The following CTNNA3 variants were observed in gnomAD, a reference collection of about 807,000 sequenced individuals.
CTNNA3 encodes catenin alpha-3.
A neutral mutation model predicts 95.7 loss-of-function variants in CTNNA3; 76 were observed. The ratio of observed to expected loss-of-function variants is 0.79; its 90% CI spans 0.66 to 0.96. CTNNA3 has a LOEUF of 0.96. Among genes scored for constraint, CTNNA3 ranks in the 40% least tolerant of loss-of-function variants. CTNNA3 has a pLI of 0.00. For synonymous variants in CTNNA3, 431 were observed against 374.4 expected, an observed-to-expected ratio of 1.15 and a Z score of -1.74; for missense variants, 1,191 against 1,089.8, an observed-to-expected ratio of 1.09 and a Z score of -1.31.
intron 9 of CTNNA3, among the ~76,000 whole-genome samples, chr10:66,731,493 T>C (rs1848958376): frequency 6.6e-6 from 1 of 152,146 alleles, no homozygotes; most frequent in Non-Finnish European, 1.5e-5. Context: ...AGCATAACTC[T>C]GGCACGTAAG....
intron 9 of CTNNA3, among the ~76,000 whole-genome samples, chr10:66,653,896 T>C (rs879723527): frequency 6.6e-6 from 1 of 152,040 alleles, no homozygotes; most frequent in Admixed American, 6.6e-5. Flanking sequence ...AAAATGGATA[T>C]CTACATGCAG....
At chr10:66,573,601 T>G (rs1842929559) in intron 10 of CTNNA3, among the ~76,000 whole-genome samples, 1 of 152,204 alleles carries the variant, frequency 6.6e-6, no homozygotes, top group Non-Finnish European at 1.5e-5. Flanking sequence ...AATTGCCTAT[T>G]CATTTTTGCC....
At position 67,003,458 on chromosome 10, in the gene CTNNA3, G is replaced by A. The variant is rs183566599; in HGVS notation, c.1047+176859C>T. On this transcript the variant is annotated intron_variant, in intron 7 of 17. Transcript: ENST00000433211. ...ATATTGCTCAAAAAAATCAGAGTGC[G>A]GAGAGGTTCCAAGATCGAATACTTT... 1.1e-3 allele frequency among the ~76,000 whole-genome samples: 161 copies of A among 152,176 alleles called. No individual in the cohort carries two copies. In the Middle Eastern group the frequency reaches 0.024, roughly 23 times the overall value.
In CTNNA3 at chr10:67,636,083, T is replaced by C. The variant is rs552130959; in HGVS notation, c.99+11332A>G. ...CCAATTATGATTGCTACAAAAATAA[T>C]AAAAGATCTAAGAACACAGCTAACA... On this transcript the variant is annotated intron_variant, in intron 2 of 17. Coordinates refer to ENST00000433211, the MANE Select transcript of CTNNA3 (RefSeq NM_013266.4). Among the ~76,000 whole-genome samples, 8 of 151,942 alleles carry C rather than the reference T, an allele frequency of 5.3e-5. No homozygotes were observed. In the South Asian group the frequency reaches 1.7e-3, roughly 32 times the overall value.
rs950664608 is a variant in CTNNA3 at position 65,914,802 on chromosome 10, T to C, written c.*5528A>G. ...GTCCTCTTATTTCAGATCACGTAAA[T>C]AACTTACTTCCCATGTACCTGACAC... On this transcript the variant is annotated 3_prime_UTR_variant, in exon 18 of 18. Transcript: ENST00000433211. The C allele has an allele frequency of 3.9e-5, 6 of 152,136 alleles. No homozygotes were observed. The highest frequency in any genetic ancestry group is 7.4e-5 in the Non-Finnish European group (5 of 68,014). The allele number at this position is 152,136 out of a possible 1,614,324, so 9.4% of individuals were successfully genotyped here.
At chr10:67,727,838 A>G (rs1207196953) in intron 1 of CTNNA3, among the ~76,000 whole-genome samples, 1 of 130,176 alleles carries the variant, frequency 7.7e-6, no homozygotes, top group Non-Finnish European at 1.5e-5. Context: ...TACATATAAT[A>G]TAGTATATAT....
chr10:66,687,037 C>T (rs943470507), intron 9 of CTNNA3, among the ~76,000 whole-genome samples: 15 of 152,104 alleles, frequency 9.9e-5, no homozygotes, highest in Admixed American at 9.8e-4. Flanking sequence ...ATACAAATGA[C>T]ATACTTTATA....
chr10:67,599,776 C>G (rs1278627911), intron 3 of CTNNA3, among the ~76,000 whole-genome samples: 2 of 152,076 alleles, frequency 1.3e-5, no homozygotes. Context: ...AATCAGAAGA[C>G]TCATCACTGT....
intron 12 of CTNNA3, among the ~76,000 whole-genome samples, chr10:66,371,044 C>T (rs1199922557): frequency 2.6e-5 from 4 of 152,058 alleles, no homozygotes; most frequent in African/African-American, 9.7e-5. Flanking sequence ...TCTTAGAAAA[C>T]ACTAGTCTAT....
intron 7 of CTNNA3, among the ~76,000 whole-genome samples, chr10:67,118,461 C>G (rs1255194525): frequency 6.6e-6 from 1 of 151,916 alleles, no homozygotes; most frequent in Admixed American, 6.6e-5. Flanking sequence ...TTGATATTAA[C>G]TTTTATGTTG....
intron 7 of CTNNA3, chr10:67,097,704 G>T: frequency 1.2e-6 from 2 of 1,612,700 alleles, no homozygotes; most frequent in East Asian, 4.5e-5. Context: ...TGCACAGGAA[G>T]ATACGATGGA....
chr10:66,759,869 A>G (rs534345928), intron 9 of CTNNA3, among the ~76,000 whole-genome samples: 4 of 152,328 alleles, frequency 2.6e-5, no homozygotes, highest in Non-Finnish European at 4.4e-5. Context: ...GGTATATTGA[A>G]TTAAATGAAA....
chr10:66,701,398 G>C (rs1216994883), intron 9 of CTNNA3, among the ~76,000 whole-genome samples: 1 of 152,066 alleles, frequency 6.6e-6, no homozygotes, highest in Non-Finnish European at 1.5e-5. Flanking sequence ...AATGAATGTT[G>C]GGATTTTGAT....
At chr10:67,622,584 T>G (rs1385990091) in intron 2 of CTNNA3, among the ~76,000 whole-genome samples, 1 of 152,230 alleles carries the variant, frequency 6.6e-6, no homozygotes, top group Non-Finnish European at 1.5e-5. Flanking sequence ...TACCAGTTTC[T>G]GCTGGTGGGG....
chr10:67,378,217 A>C lies in CTNNA3; in HGVS notation c.579+143625T>G, dbSNP rs143180253. 4.6e-3 allele frequency among the ~76,000 whole-genome samples: 698 copies of C among 152,314 alleles called. 6 individuals carry two copies. Among genetic ancestry groups the C allele is most frequent in the African/African-American group, 0.016 (667 of 41,568 alleles). On this transcript the variant is annotated intron_variant, in intron 5 of 17. Transcript: ENST00000433211. ...AAACTGGGACACTTAATATAACAAA[A>C]GATTTTAAACATTTTGAGAATTTTT...
At position 66,742,237 on chromosome 10, in the gene CTNNA3, A is replaced by G. The variant is rs577633920; in HGVS notation, c.1281+24027T>C. On this transcript the variant is annotated intron_variant, in intron 9 of 17. Coordinates refer to ENST00000433211, the MANE Select transcript of CTNNA3 (RefSeq NM_013266.4). ...GGGGATGGCTGTCTTTTATGGTCGT[A>G]GCTGTGGGATGAAATAAGCCCTGGT... is the stretch of plus-strand genomic sequence containing the variant. 4.6e-5 allele frequency among the ~76,000 whole-genome samples: 7 copies of G among 152,226 alleles called. No individual in the cohort carries two copies. The East Asian group carries it at 5.8e-4, about 13-fold the overall frequency.
chr10:67,629,862 A>G (rs1408023202), intron 2 of CTNNA3, among the ~76,000 whole-genome samples: 1 of 152,208 alleles, frequency 6.6e-6, no homozygotes, highest in Non-Finnish European at 1.5e-5. Flanking sequence ...CACATTCACT[A>G]TGACTCAACT....
chr10:67,300,813 T>A lies in CTNNA3; in HGVS notation c.580-80943A>T, dbSNP rs77431137. 9.1e-4 allele frequency among the ~76,000 whole-genome samples: 139 copies of A among 152,302 alleles called. 1 individual carries two copies. In the East Asian group the frequency reaches 0.025, roughly 28 times the overall value. ...TCTTGACCTCTTTCAGTGTATAAAC[T>A]GTTTCTCCTGGACCAGGCCTTGTAC... On this transcript the variant is annotated intron_variant, in intron 5 of 17. Transcript: ENST00000433211.
intron 14 of CTNNA3, among the ~76,000 whole-genome samples, chr10:66,080,466 A>T (rs1277184088): frequency 2.0e-5 from 3 of 152,172 alleles, no homozygotes; most frequent in Non-Finnish European, 4.4e-5. Context: ...ACAACATGAG[A>T]ATTTTACAAA....
Sources: allele counts gnomAD v4.1 joint callset (sites outside exome capture counted in the v4.1 genomes callset), GRCh38; gene constraint gnomAD v4.1.1; transcripts MANE v1.5; gene names NCBI Gene and HGNC (gene_info 2026-07-23, HGNC 2026-07-21).